USP53: variants seen among roughly 807,000 people sequenced by gnomAD.
The protein encoded by USP53 is ubiquitin carboxyl-terminal hydrolase 53.
Under a neutral mutation model 94.9 loss-of-function variants are expected in USP53, and 71 were observed. That is an observed-to-expected ratio of 0.75 (90% CI 0.62 to 0.91). The LOEUF (loss-of-function observed/expected upper bound fraction) is 0.91. Among genes scored for constraint, USP53 ranks in the 40% least tolerant of loss-of-function variants. The pLI, the probability that USP53 is intolerant of heterozygous loss-of-function variation, is 0.00. For missense variants in USP53, 1,173 were observed against 1,281.0 expected (o/e 0.92, Z 1.29); for synonymous variants, 375 against 422.7 (o/e 0.89, Z 1.39).
At chr4:119,285,446 T>C (rs756498196) in intron 17 of USP53, among the ~76,000 whole-genome samples, 1 of 151,908 alleles carries the variant, frequency 6.6e-6, no homozygotes, top group African/African-American at 2.4e-5. Context: ...TTAATCTCAG[T>C]TGATCCTAGA....
intron 17 of USP53, among the ~76,000 whole-genome samples, chr4:119,282,073 G>T (rs1753570475): frequency 1.3e-5 from 2 of 152,002 alleles, no homozygotes; most frequent in Admixed American, 6.6e-5. Flanking sequence ...TATGATATTT[G>T]TCCTCTTGTG....
chr4:119,277,740 T>C (rs1045832235), intron 17 of USP53, among the ~76,000 whole-genome samples: 3 of 138,258 alleles, frequency 2.2e-5, no homozygotes, highest in African/African-American at 8.0e-5. Flanking sequence ...AGTCTAAGTC[T>C]CTTTGTAGGT....
Position 119,293,240 on chromosome 4 carries a change from T to A in USP53, c.*29T>A. Reference sequence around the variant, plus strand: ...GAAAAAGGACTAGACCTGTGTTACATAATAATCTTGGTTCAAGCTGCCCTT... The same window carrying A: ...GAAAAAGGACTAGACCTGTGTTACAAAATAATCTTGGTTCAAGCTGCCCTT... On this transcript the variant is annotated 3_prime_UTR_variant, in exon 19 of 19. Coordinates refer to ENST00000692078, the MANE Select transcript of USP53 (RefSeq NM_001371395.1). 1 of 1,537,694 alleles carries A rather than the reference T, an allele frequency of 6.5e-7. No individual in the cohort carries two copies. The highest frequency in any genetic ancestry group is 8.7e-7 in the Non-Finnish European group (1 of 1,154,130).
intron 15 of USP53, among the ~76,000 whole-genome samples, chr4:119,270,290 G>T (rs897921926): frequency 1.3e-5 from 2 of 151,726 alleles, no homozygotes; most frequent in Non-Finnish European, 2.9e-5. Context: ...TAGAGATAGG[G>T]TCTTGCCATG....
intron 6 of USP53, among the ~76,000 whole-genome samples, chr4:119,247,481 T>C (rs1748406126): frequency 6.6e-6 from 1 of 152,198 alleles, no homozygotes; most frequent in African/African-American, 2.4e-5. Context: ...GCTGCTTCCA[T>C]CTGTAATATC....
Position 119,273,655 on chromosome 4 carries a change from T to G in USP53, c.2198T>G (p.Leu733Arg). The change falls in exon 17 of 19, where the codon CTA becomes CGA. Residue 733 changes from leucine (L) to arginine (R), a missense_variant. Physicochemically the swap from Leu to Arg is moderately radical, Grantham distance 102. Transcript: ENST00000692078. Reference sequence around the variant, plus strand: ...AGTGACCAGATTACGACAAGCAACCTAAATAAAGAACGTGGGGACTGTACC... The same window carrying G: ...AGTGACCAGATTACGACAAGCAACCGAAATAAAGAACGTGGGGACTGTACC... Reference protein sequence around the residue: ...CFSDQITTSNLNKERGDCTSL... With the variant: ...CFSDQITTSNRNKERGDCTSL... The G allele has an allele frequency of 3.1e-6, 5 of 1,613,100 alleles. No homozygotes were observed. The highest frequency in any genetic ancestry group is 4.2e-6 in the Non-Finnish European group (5 of 1,179,450).
Position 119,223,585 on chromosome 4 carries a change from G to A in USP53, c.-665+5912G>A, listed in dbSNP as rs555886746. On this transcript the variant is annotated intron_variant, in intron 3 of 18. Coordinates refer to ENST00000692078, the MANE Select transcript of USP53 (RefSeq NM_001371395.1). ...TGATAGAGGACAAGTTAGAAATCCC[G>A]ACTAAGAGTTTCCTCCCTGGTACTT... is the stretch of plus-strand genomic sequence containing the variant. 9.9e-5 allele frequency among the ~76,000 whole-genome samples: 15 copies of A among 152,260 alleles called. No individual in the cohort carries two copies. In the South Asian group the frequency reaches 2.5e-3, roughly 25 times the overall value.
intron 3 of USP53, chr4:119,218,242 T>TAAGAGTTCAGTC (rs1553962824): frequency 1.3e-5 from 2 of 152,220 alleles, no homozygotes; most frequent in Non-Finnish European, 2.9e-5. Flanking sequence ...ATAGATAAAG[T>TAAGAGTTCAGTC]AAGAGTTCAG....
intron 9 of USP53, among the ~76,000 whole-genome samples, chr4:119,258,836 T>C (rs1222081942): frequency 6.6e-6 from 1 of 152,192 alleles, no homozygotes; most frequent in Non-Finnish European, 1.5e-5. Context: ...GGAGCTACAA[T>C]TCAAGATGAG....
At chr4:119,252,317 C>G (rs991711397) in intron 7 of USP53, among the ~76,000 whole-genome samples, 16 of 152,112 alleles carry the variant, frequency 1.1e-4, no homozygotes, top group African/African-American at 3.9e-4. Context: ...GGTACCAGCT[C>G]CTCTTTGTAC....
chr4:119,238,260 A>G (rs2149320717), intron 4 of USP53, among the ~76,000 whole-genome samples: 1 of 152,256 alleles, frequency 6.6e-6, no homozygotes, highest in South Asian at 2.1e-4. Context: ...AAAATGAGAG[A>G]CATGCGACTC....
At chr4:119,230,222 T>A (rs1745883185) in intron 3 of USP53, among the ~76,000 whole-genome samples, 1 of 152,230 alleles carries the variant, frequency 6.6e-6, no homozygotes, top group Admixed American at 6.5e-5. Flanking sequence ...TATACATATA[T>A]ACACCTCCTT....
chr4:119,271,275 T>A (rs774702934), intron 15 of USP53, 21 bp from the exon 16 acceptor site: 1 of 1,527,602 alleles, frequency 6.5e-7, no homozygotes, highest in Non-Finnish European at 8.7e-7. Flanking sequence ...TTCATGTGTA[T>A]CTTTAATTTT....
intron 12 of USP53, among the ~76,000 whole-genome samples, chr4:119,264,406 A>G (rs1324003732): frequency 6.6e-6 from 1 of 152,222 alleles, no homozygotes; most frequent in East Asian, 1.9e-4. Flanking sequence ...CTTCAGTAAG[A>G]TACTATTAGG....
rs1755133545 is a variant in USP53, at chr4:119,295,078, T to C, written c.*1867T>C. ...ATTTGGTTAAGATGTGAGTTGGAAA[T>C]GTATTATTTGAAACATTTAAACTAA... On this transcript the variant is annotated 3_prime_UTR_variant, in exon 19 of 19. Coordinates refer to ENST00000692078, the MANE Select transcript of USP53 (RefSeq NM_001371395.1). The C allele has an allele frequency of 6.6e-6, 1 of 152,060 alleles. No homozygotes were observed. Among genetic ancestry groups the C allele is most frequent in the Non-Finnish European group, 1.5e-5 (1 of 67,972 alleles). The allele number at this position is 152,060 out of a possible 1,614,324, so 9.4% of individuals were successfully genotyped here.
At chr4:119,292,243 T>C in intron 18 of USP53, 95 bp from the exon 19 acceptor site, 2 of 1,312,052 alleles carry the variant, frequency 1.5e-6, no homozygotes, top group Non-Finnish European at 2.0e-6. Flanking sequence ...AACTGTATTT[T>C]GGGAAAATCA....
At chr4:119,222,157 CT>C (rs1446578347) in intron 3 of USP53, among the ~76,000 whole-genome samples, 3 of 151,836 alleles carry the variant, frequency 2.0e-5, no homozygotes, top group Admixed American at 6.6e-5. Flanking sequence ...AGAATTGTAT[CT>C]TTTTTTAATT....
intron 10 of USP53, 72 bp from the exon 11 acceptor site, chr4:119,260,435 A>C: frequency 7.3e-7 from 1 of 1,367,934 alleles, no homozygotes; most frequent in Non-Finnish European, 9.9e-7. Context: ...TTGTCATTAT[A>C]TAATGCAAAC....
At chr4:119,262,860 C>T (rs112769901) in intron 12 of USP53, among the ~76,000 whole-genome samples, 1 of 152,132 alleles carries the variant, frequency 6.6e-6, no homozygotes, top group Non-Finnish European at 1.5e-5. Context: ...AACATATATT[C>T]CTGGATTCCT....
Sources: gnomAD v4.1 joint callset for allele counts (sites outside exome capture counted in the v4.1 genomes callset) on GRCh38, gnomAD v4.1.1 for gene constraint, MANE v1.5 for transcripts, NCBI Gene and HGNC (gene_info 2026-07-23, HGNC 2026-07-21) for gene names.